Variants in LNPEP observed in about 807,000 individuals in gnomAD.
The protein encoded by LNPEP is leucyl and cystinyl aminopeptidase, also known as leucyl-cystinyl aminopeptidase.
A neutral mutation model predicts 120.6 loss-of-function variants in LNPEP; 64 were observed. The ratio of observed to expected loss-of-function variants is 0.53; its 90% CI spans 0.43 to 0.65. The LOEUF (loss-of-function observed/expected upper bound fraction) is 0.65, where lower values mean the gene tolerates loss of function less well. Among genes scored for constraint, LNPEP ranks in the 30% least tolerant of loss-of-function variants. The pLI is 0.00. For synonymous variants in LNPEP, 435 were observed against 425.4 expected, an observed-to-expected ratio of 1.02 and a Z score of -0.28; for missense variants, 1,057 against 1,200.0, an observed-to-expected ratio of 0.88 and a Z score of 1.76.
At chr5:97,017,402 T>G (rs1450714472) in intron 13 of LNPEP, among the ~76,000 whole-genome samples, 1 of 152,130 alleles carries the variant, frequency 6.6e-6, no homozygotes, top group Non-Finnish European at 1.5e-5. Flanking sequence ...TATTTGCAAA[T>G]ATCTTCTCCC....
chr5:96,966,418 T>C (rs1344073190), intron 1 of LNPEP, among the ~76,000 whole-genome samples: 6 of 152,054 alleles, frequency 3.9e-5, no homozygotes, highest in African/African-American at 1.4e-4. Flanking sequence ...GAGGATTGCT[T>C]GAGCCTGGGA....
intron 14 of LNPEP, among the ~76,000 whole-genome samples, chr5:97,023,162 G>A (rs1791254346): frequency 6.6e-6 from 1 of 152,004 alleles, no homozygotes; most frequent in Non-Finnish European, 1.5e-5. Flanking sequence ...AAGTCATATA[G>A]AATTTGCTTT....
chr5:96,948,206 C>T (rs1221790859), intron 1 of LNPEP, among the ~76,000 whole-genome samples: 1 of 152,004 alleles, frequency 6.6e-6, no homozygotes. Flanking sequence ...CAACCTCTAC[C>T]TCCCGGGTTC....
chr5:96,992,164 AAG>A (rs1382597688), intron 4 of LNPEP, among the ~76,000 whole-genome samples: 3 of 152,308 alleles, frequency 2.0e-5, no homozygotes, highest in South Asian at 2.1e-4. Context: ...TAGCCAAAAA[AAG>A]AGAGAGTGAG....
At chr5:96,996,689 C>T (rs1790523543) in intron 7 of LNPEP, among the ~76,000 whole-genome samples, 186 bp downstream of exon 7, 1 of 152,042 alleles carries the variant, frequency 6.6e-6, no homozygotes, top group African/African-American at 2.4e-5. Context: ...CTATTATTTA[C>T]TGATGTGTTT....
Position 96,979,542 on chromosome 5 carries a change from C to T in LNPEP, c.424C>T (p.His142Tyr), listed in dbSNP as rs1417785614. The stretch of plus-strand genomic sequence containing the variant: ...ATGTACCTTTACCAAAGAAGGCTGC[C>T]ATAAAAAAAACCAGTCAATTGGACT... The part of the protein sequence containing the change: ...PRCTFTKEGC[H>Y]KKNQSIGLIQ... The change falls in exon 2 of 18, where the codon CAT becomes TAT. Residue 142 changes from histidine (H) to tyrosine (Y), a missense_variant. Coordinates refer to ENST00000231368, the MANE Select transcript of LNPEP (RefSeq NM_005575.3). The T allele has an allele frequency of 1.2e-6, 2 of 1,613,884 alleles. No homozygotes were observed. The highest frequency in any genetic ancestry group is 1.7e-5 in the Admixed American group (1 of 59,964).
At chr5:96,993,768 A>G (rs749445632) in intron 5 of LNPEP, 49 bp from the exon 6 acceptor site, 341 of 1,557,324 alleles carry the variant, frequency 2.2e-4, no homozygotes, top group Middle Eastern at 5.1e-4. Context: ...TTGAGTAGAA[A>G]ATGCCTAAGA....
intron 1 of LNPEP, among the ~76,000 whole-genome samples, chr5:96,954,074 T>C (rs1009504453): frequency 1.3e-5 from 2 of 152,198 alleles, no homozygotes; most frequent in Admixed American, 1.3e-4. Context: ...AGGTTCTCTG[T>C]AGACATTAGT....
chr5:96,993,647 G>C (rs1790444533), intron 5 of LNPEP, among the ~76,000 whole-genome samples, 170 bp from the exon 6 acceptor site: 2 of 152,338 alleles, frequency 1.3e-5, no homozygotes, highest in Middle Eastern at 3.4e-3. Context: ...GTCTTCCTCA[G>C]CTGACATGTG....
chr5:97,027,628 G>A (rs1291719319), intron 16 of LNPEP, 105 bp from the exon 17 acceptor site: 2 of 708,604 alleles, frequency 2.8e-6, no homozygotes, highest in Non-Finnish European at 5.0e-6. Context: ...TCCGGGAGGA[G>A]GATTCCACTC....
At chr5:96,965,965 G>A (rs566541369) in intron 1 of LNPEP, among the ~76,000 whole-genome samples, 199 of 152,016 alleles carry the variant, frequency 1.3e-3, no homozygotes, top group African/African-American at 4.6e-3. Flanking sequence ...TATGTGCTAC[G>A]GTTTTTGTTT....
At chr5:96,962,086 T>A (rs1789620181) in intron 1 of LNPEP, among the ~76,000 whole-genome samples, 2 of 152,196 alleles carry the variant, frequency 1.3e-5, no homozygotes, top group Admixed American at 6.5e-5. Flanking sequence ...TGTGTTTATC[T>A]CTAGAATTTG....
At chr5:96,991,678 G>C (rs1255294736) in intron 4 of LNPEP, among the ~76,000 whole-genome samples, 1 of 151,962 alleles carries the variant, frequency 6.6e-6, no homozygotes, top group South Asian at 2.1e-4. Flanking sequence ...TTGCTGATTT[G>C]TTTGAGTTCC....
chr5:97,003,274 A>G (rs1002400927), intron 8 of LNPEP, 141 bp from the exon 9 acceptor site: 9 of 541,336 alleles, frequency 1.7e-5, no homozygotes, highest in Non-Finnish European at 2.6e-5. Flanking sequence ...ATATGAGACT[A>G]AGTAGCAGTA....
chr5:96,982,355 T>C (rs1420770917), intron 2 of LNPEP, among the ~76,000 whole-genome samples: 5 of 152,182 alleles, frequency 3.3e-5, no homozygotes, highest in Admixed American at 3.3e-4. Context: ...ACTTTAGTAT[T>C]TCAGAAAGGA....
intron 1 of LNPEP, among the ~76,000 whole-genome samples, chr5:96,977,383 C>T (rs907052709): frequency 4.0e-5 from 6 of 151,804 alleles, no homozygotes; most frequent in Admixed American, 6.6e-5. Flanking sequence ...TGGAGGATAG[C>T]GTGGAATAGC....
intron 1 of LNPEP, among the ~76,000 whole-genome samples, chr5:96,978,884 A>G (rs1322959874): frequency 5.3e-5 from 8 of 152,188 alleles, no homozygotes; most frequent in African/African-American, 1.9e-4. Flanking sequence ...TAACTTTTTA[A>G]AAATATAATA....
Position 96,936,209 on chromosome 5 carries a change from C to T in LNPEP, c.19+35C>T, listed in dbSNP as rs1311232835. The T allele has an allele frequency of 6.3e-6, 9 of 1,417,440 alleles. No homozygotes were observed. In the South Asian group the frequency reaches 1.3e-4, roughly 21 times the overall value. The allele number at this position is 1,417,440 out of a possible 1,614,324, so 87.8% of individuals were successfully genotyped here. A position where few individuals can be genotyped will look rare whatever the true frequency, so the allele number is the denominator to read the frequency against. The stretch of plus-strand genomic sequence containing the variant: ...CTGCCGAGGCGCCGGGACCCGGGCT[C>T]TCCGGAGCCCTGAGGGTCGTGGGCA... On this transcript the variant is annotated intron_variant, in intron 1 of 17. Coordinates refer to ENST00000231368, the MANE Select transcript of LNPEP (RefSeq NM_005575.3).
chr5:96,953,522 A>C (rs1464887451), intron 1 of LNPEP, among the ~76,000 whole-genome samples: 1 of 152,168 alleles, frequency 6.6e-6, no homozygotes, highest in Non-Finnish European at 1.5e-5. Context: ...CCCTGAGGCC[A>C]TTTAAAGTCC....
Sources: gnomAD v4.1 joint callset for allele counts (sites outside exome capture counted in the v4.1 genomes callset) on GRCh38, gnomAD v4.1.1 for gene constraint, MANE v1.5 for transcripts, NCBI Gene and HGNC (gene_info 2026-07-23, HGNC 2026-07-21) for gene names.